Variants in PCOLCE2 observed in about 807,000 individuals in gnomAD.
PCOLCE2 encodes the protein procollagen C-endopeptidase enhancer 2, also known as procollagen C-proteinase enhancer 2.
A neutral mutation model predicts 47.0 loss-of-function variants in PCOLCE2; 42 were observed. The ratio of observed to expected loss-of-function variants is 0.89; its 90% CI spans 0.70 to 1.16. The LOEUF (loss-of-function observed/expected upper bound fraction) is 1.16, where lower values mean the gene tolerates loss of function less well. PCOLCE2 is among the 50% of genes most tolerant of loss of function. The pLI is 0.00. For missense variants in PCOLCE2, 500 were observed against 526.1 expected (o/e 0.95, Z 0.49); for synonymous variants, 169 against 191.7 (o/e 0.88, Z 0.98).
chr3:142,865,329 T>C (rs182055446), intron 2 of PCOLCE2, among the ~76,000 whole-genome samples: 2 of 152,176 alleles, frequency 1.3e-5, no homozygotes, highest in East Asian at 3.9e-4. Context: ...GTTTTTTTTT[T>C]AAATTGTCAA....
chr3:142,882,370 G>A (rs75553014), intron 2 of PCOLCE2, among the ~76,000 whole-genome samples: 1 of 151,860 alleles, frequency 6.6e-6, no homozygotes, highest in East Asian at 1.9e-4. Context: ...TTCATAAAGG[G>A]ATAAAAAGTT....
chr3:142,842,726 C>T lies in PCOLCE2; in HGVS notation c.573+198G>A, dbSNP rs534570592. Reference sequence around the variant, plus strand: ...TGCACTCCAGACAGGGCGACAAGAGCGAAACTCTGTCTCAAAAAAAAAAAA... The same window carrying T: ...TGCACTCCAGACAGGGCGACAAGAGTGAAACTCTGTCTCAAAAAAAAAAAA... On this transcript the variant is annotated intron_variant, in intron 4 of 8. Transcript: ENST00000295992. The surrounding 1 kb of genome is among the most constrained non-coding windows in gnomAD (Gnocchi z 4.1). Among the ~76,000 whole-genome samples, 18 of 149,000 alleles carry T rather than the reference C, an allele frequency of 1.2e-4. No individual in the cohort carries two copies. The South Asian group carries it at 1.3e-3, about 11-fold the overall frequency.
chr3:142,849,046 G>A (rs1279684613), intron 2 of PCOLCE2, among the ~76,000 whole-genome samples: 4 of 151,970 alleles, frequency 2.6e-5, no homozygotes, highest in African/African-American at 7.3e-5. Flanking sequence ...CCAGCTACTC[G>A]GGAGGCTGAG....
chr3:142,845,170 T>C (rs1326168385), intron 3 of PCOLCE2, among the ~76,000 whole-genome samples: 1 of 152,244 alleles, frequency 6.6e-6, no homozygotes, highest in Non-Finnish European at 1.5e-5. Context: ...TTTAGTATTC[T>C]ATTTTAATCT....
intron 2 of PCOLCE2, 124 bp downstream of exon 2, chr3:142,887,545 C>T (rs1578054961): frequency 1.6e-6 from 1 of 626,780 alleles, no homozygotes; most frequent in Non-Finnish European, 2.9e-6. Flanking sequence ...GGGGTAAATC[C>T]AACATTTCAC....
chr3:142,844,043 C>A (rs548998886), intron 3 of PCOLCE2, among the ~76,000 whole-genome samples: 16 of 152,246 alleles, frequency 1.1e-4, no homozygotes, highest in African/African-American at 3.4e-4. Context: ...GCCACCCAAT[C>A]CCCACGACCT....
intron 2 of PCOLCE2, among the ~76,000 whole-genome samples, chr3:142,865,018 A>T (rs1453191885): frequency 1.3e-5 from 2 of 152,204 alleles, no homozygotes; most frequent in Non-Finnish European, 2.9e-5. Context: ...CTAAAAGTAC[A>T]ACTGCTTGGT....
intron 2 of PCOLCE2, among the ~76,000 whole-genome samples, chr3:142,855,269 G>T (rs1933038742): frequency 6.6e-6 from 1 of 152,156 alleles, no homozygotes; most frequent in South Asian, 2.1e-4. Context: ...TCTACAGTTT[G>T]TCCAATGCTT....
intron 5 of PCOLCE2, among the ~76,000 whole-genome samples, chr3:142,831,609 A>G (rs1254066431): frequency 6.6e-6 from 1 of 152,246 alleles, no homozygotes; most frequent in Non-Finnish European, 1.5e-5. Flanking sequence ...ATGCTTTTGA[A>G]AAACACTCCC....
chr3:142,886,938 C>A (rs7648216), intron 2 of PCOLCE2, among the ~76,000 whole-genome samples: 11 of 152,108 alleles, frequency 7.2e-5, no homozygotes, highest in Admixed American at 7.2e-4. Flanking sequence ...AGTGAACCAA[C>A]GTATTCAATT....
intron 2 of PCOLCE2, among the ~76,000 whole-genome samples, chr3:142,881,962 G>T (rs1257044084): frequency 6.6e-6 from 1 of 152,046 alleles, no homozygotes; most frequent in African/African-American, 2.4e-5. Context: ...TCTACCCATT[G>T]CCACATTCTC....
chr3:142,848,843 C>T (rs775951364), intron 2 of PCOLCE2, among the ~76,000 whole-genome samples: 40 of 152,116 alleles, frequency 2.6e-4, no homozygotes, highest in Non-Finnish European at 4.6e-4. Context: ...TATTGCTTAG[C>T]AAAGAAACAT....
chr3:142,882,855 A>G (rs1578053057), intron 2 of PCOLCE2, among the ~76,000 whole-genome samples: 1 of 152,354 alleles, frequency 6.6e-6, no homozygotes, highest in South Asian at 2.1e-4. Context: ...GTTAGATAAC[A>G]TAACAGCAGT....
chr3:142,847,482 T>C lies in PCOLCE2; in HGVS notation c.448+735A>G, dbSNP rs146253638. Among the ~76,000 whole-genome samples, 164 of 152,328 alleles carry C rather than the reference T, an allele frequency of 1.1e-3. 1 individual carries two copies. In the East Asian group the frequency reaches 0.029, roughly 27 times the overall value. ...GCCCACTGCAGTGATCTTTCAAAAGTAGAGATTTCTACGCTTGGGAGCTCA... is the reference window on the plus strand; with the variant it reads ...GCCCACTGCAGTGATCTTTCAAAAGCAGAGATTTCTACGCTTGGGAGCTCA... On this transcript the variant is annotated intron_variant, in intron 3 of 8. Coordinates refer to ENST00000295992, the MANE Select transcript of PCOLCE2 (RefSeq NM_013363.4).
chr3:142,822,934 G>A lies in PCOLCE2; in HGVS notation c.949+598C>T, dbSNP rs969474456. Among the ~76,000 whole-genome samples the A allele has an allele frequency of 1.3e-4, 20 of 152,286 alleles. No individual in the cohort carries two copies. The Middle Eastern group carries it at 0.014, about 104-fold the overall frequency. The stretch of plus-strand genomic sequence containing the variant: ...ACTGAAAAAATAACCAAGATAAAAT[G>A]TTGTATCTTTTGCTCTTAAGTAGCT... On this transcript the variant is annotated intron_variant, in intron 7 of 8. Coordinates refer to ENST00000295992, the MANE Select transcript of PCOLCE2 (RefSeq NM_013363.4).
At chr3:142,835,867 T>C (rs1225884085) in intron 5 of PCOLCE2, among the ~76,000 whole-genome samples, 1 of 152,152 alleles carries the variant, frequency 6.6e-6, no homozygotes, top group African/African-American at 2.4e-5. Context: ...TGGTGTCAAA[T>C]TCCTGGGCTC....
chr3:142,856,282 T>A (rs541331747), intron 2 of PCOLCE2, among the ~76,000 whole-genome samples: 1 of 152,188 alleles, frequency 6.6e-6, no homozygotes, highest in African/African-American at 2.4e-5. Flanking sequence ...GTAATTTCCA[T>A]GGCCTCTGCA....
At chr3:142,834,858 C>T (rs373767018) in intron 5 of PCOLCE2, among the ~76,000 whole-genome samples, 1 of 151,762 alleles carries the variant, frequency 6.6e-6, no homozygotes, top group Non-Finnish European at 1.5e-5. Context: ...TGGAACAATC[C>T]CTATTTTTCT....
chr3:142,843,344 C>G (rs916765292), intron 3 of PCOLCE2: 2 of 476,500 alleles, frequency 4.2e-6, no homozygotes, highest in Admixed American at 4.7e-5. Flanking sequence ...TGAATATGCA[C>G]TCACTCAGAA....
Sources: allele counts gnomAD v4.1 joint callset (sites outside exome capture counted in the v4.1 genomes callset), GRCh38; gene constraint gnomAD v4.1.1; non-coding constraint Gnocchi (gnomAD v3.1); transcripts MANE v1.5; gene names NCBI Gene and HGNC (gene_info 2026-07-23, HGNC 2026-07-21).